Variants in DISC1 observed in about 807,000 individuals in gnomAD.
The protein encoded by DISC1 is disrupted in schizophrenia 1 protein.
A neutral mutation model predicts 84.5 loss-of-function variants in DISC1; 57 were observed. The ratio of observed to expected loss-of-function variants is 0.67; its 90% CI spans 0.55 to 0.84. The LOEUF is 0.84. Ranked by LOEUF, DISC1 falls within the 40% of genes least tolerant of loss-of-function variation. The probability of loss-of-function intolerance (pLI) is 0.00; values close to 1 mark genes in which losing one functional copy is unlikely to be tolerated. For missense variants in DISC1, 1,000 were observed against 1,057.8 expected (o/e 0.95, Z 0.76); for synonymous variants, 411 against 415.2 (o/e 0.99, Z 0.12).
intron 9 of DISC1, among the ~76,000 whole-genome samples, chr1:231,821,834 C>T (rs1291297895): frequency 6.6e-6 from 1 of 151,908 alleles, no homozygotes; most frequent in African/African-American, 2.4e-5. Flanking sequence ...CTGCCTCAGC[C>T]TCCCAGGTAG....
intron 1 of DISC1, among the ~76,000 whole-genome samples, chr1:231,682,564 C>T (rs1407457396): frequency 1.3e-5 from 2 of 152,306 alleles, no homozygotes; most frequent in East Asian, 1.9e-4. Context: ...GGTTAGTCAC[C>T]TGACCATGCT....
chr1:231,756,833 G>C (rs972311182), intron 4 of DISC1, among the ~76,000 whole-genome samples: 1 of 152,150 alleles, frequency 6.6e-6, no homozygotes, highest in Non-Finnish European at 1.5e-5. Context: ...TATTATTACC[G>C]TAACTAGAAA....
chr1:231,855,070 G>C (rs2084175267), intron 9 of DISC1: 1 of 991,700 alleles, frequency 1.0e-6, no homozygotes, highest in Admixed American at 6.0e-5. Context: ...AGAAATTCTA[G>C]GTAAGGAAAG....
At chr1:231,866,704 G>T (rs888481379) in intron 9 of DISC1, 2 of 1,360,550 alleles carry the variant, frequency 1.5e-6, no homozygotes, top group African/African-American at 1.5e-5. Context: ...AAGAAAAAAA[G>T]AAAAGAAAGC....
intron 11 of DISC1, among the ~76,000 whole-genome samples, chr1:232,024,356 A>C (rs1044775694): frequency 2.6e-5 from 4 of 152,192 alleles, no homozygotes; most frequent in Non-Finnish European, 1.5e-5. Flanking sequence ...ATTCTAAGGT[A>C]GTTGGCCATT....
At chr1:231,767,036 AC>A in intron 4 of DISC1, 103 bp from the exon 5 acceptor site, 1 of 1,492,716 alleles carries the variant, frequency 6.7e-7, no homozygotes, top group Non-Finnish European at 9.2e-7. Flanking sequence ...AAGTATGAGA[AC>A]AGATGGGGGC....
chr1:231,802,679 C>T (rs2079367905), intron 8 of DISC1, among the ~76,000 whole-genome samples: 1 of 152,064 alleles, frequency 6.6e-6, no homozygotes, highest in South Asian at 2.1e-4. Context: ...TTTAATTCAT[C>T]TCTCTTCTCT....
At chr1:231,918,125 C>A (rs966622222) in intron 9 of DISC1, among the ~76,000 whole-genome samples, 2 of 152,172 alleles carry the variant, frequency 1.3e-5, no homozygotes, top group African/African-American at 4.8e-5. Flanking sequence ...GTTAGAAGGC[C>A]GCAGGGACTG....
At chr1:231,970,235 A>G (rs1269406073) in intron 10 of DISC1, among the ~76,000 whole-genome samples, 2 of 152,168 alleles carry the variant, frequency 1.3e-5, no homozygotes, top group Non-Finnish European at 2.9e-5. Flanking sequence ...AAGTGTTCCT[A>G]TTTCTCCATA....
At chr1:231,716,124 A>G (rs2068668986) in intron 3 of DISC1, among the ~76,000 whole-genome samples, 1 of 152,006 alleles carries the variant, frequency 6.6e-6, no homozygotes, top group African/African-American at 2.4e-5. Flanking sequence ...TTCTTTTTCT[A>G]CCTACCACTT....
chr1:231,735,903 C>A (rs901844809), intron 3 of DISC1, among the ~76,000 whole-genome samples: 2 of 152,168 alleles, frequency 1.3e-5, no homozygotes, highest in Admixed American at 1.3e-4. Context: ...ACCTCTGCCT[C>A]CTGGGCTCAA....
chr1:231,776,623 T>C (rs2076985921), intron 6 of DISC1, among the ~76,000 whole-genome samples: 1 of 152,208 alleles, frequency 6.6e-6, no homozygotes, highest in Non-Finnish European at 1.5e-5. Context: ...GCACTGATTA[T>C]GCAGGGTGCT....
chr1:231,895,172 G>C (rs969061359), intron 9 of DISC1, among the ~76,000 whole-genome samples: 4 of 147,324 alleles, frequency 2.7e-5, no homozygotes, highest in African/African-American at 1.0e-4. Flanking sequence ...TTGAATTATT[G>C]TTATCCCACT....
intron 10 of DISC1, among the ~76,000 whole-genome samples, chr1:231,979,537 T>C (rs1663302849): frequency 6.6e-6 from 1 of 151,448 alleles, no homozygotes; most frequent in African/African-American, 2.4e-5. Context: ...TGTTATATTA[T>C]ATTTGTATTT....
rs59292760 is a variant in DISC1, at chr1:231,956,674, C to T, written c.1982-2154C>T. Among the ~76,000 whole-genome samples the T allele has an allele frequency of 2.0e-3, 298 of 152,206 alleles. 2 individuals carry two copies. The highest frequency in any genetic ancestry group is 6.9e-3 in the African/African-American group (288 of 41,520). On this transcript the variant is annotated intron_variant, in intron 9 of 12. Coordinates refer to ENST00000439617, the MANE Select transcript of DISC1 (RefSeq NM_018662.3). ...ACTTAACATCACCATTAATTATGTGCAAAATTCTGTGAGTCAGGAATTCAG... is the reference window on the plus strand; with the variant it reads ...ACTTAACATCACCATTAATTATGTGTAAAATTCTGTGAGTCAGGAATTCAG...
At chr1:231,861,395 G>A (rs1197376379) in intron 9 of DISC1, among the ~76,000 whole-genome samples, 11 of 149,976 alleles carry the variant, frequency 7.3e-5, no homozygotes, top group South Asian at 4.2e-4. Context: ...GCCTCCCAAC[G>A]TGCTGAGATT....
intron 6 of DISC1, 133 bp downstream of exon 6, chr1:231,771,203 T>C: frequency 6.9e-7 from 1 of 1,452,354 alleles, no homozygotes; most frequent in Non-Finnish European, 9.1e-7. Context: ...GCACCATTGG[T>C]GTTTTGGGTG....
chr1:231,635,862 T>C (rs1249569269), intron 1 of DISC1, among the ~76,000 whole-genome samples: 1 of 152,180 alleles, frequency 6.6e-6, no homozygotes, highest in East Asian at 1.9e-4. Context: ...AAATAGATAG[T>C]GTTGTCTACA....
chr1:231,762,504 GT>G (rs2075825787), intron 4 of DISC1, among the ~76,000 whole-genome samples: 3 of 78,812 alleles, frequency 3.8e-5, no homozygotes, highest in Non-Finnish European at 7.4e-5. Context: ...CTAATTTTTA[GT>G]TTTGTTTTGT....
Sources: gnomAD v4.1 joint callset for allele counts (sites outside exome capture counted in the v4.1 genomes callset) on GRCh38, gnomAD v4.1.1 for gene constraint, MANE v1.5 for transcripts, NCBI Gene and HGNC (gene_info 2026-07-23, HGNC 2026-07-21) for gene names.